ATP6V1C2: variants seen among roughly 807,000 people sequenced by gnomAD.
The protein encoded by ATP6V1C2 is V-type proton ATPase subunit C 2.
ATP6V1C2 carries 45 observed loss-of-function variants against 56.8 expected under a neutral mutation model. The ratio of observed to expected loss-of-function variants is 0.79; its 90% confidence interval spans 0.62 to 1.02. The LOEUF is 1.02. Ranked by LOEUF, ATP6V1C2 falls within the 50% of genes least tolerant of loss-of-function variation. The pLI, the probability that ATP6V1C2 is intolerant of heterozygous loss-of-function variation, is 0.00. For synonymous variants in ATP6V1C2, 220 were observed against 201.3 expected, an observed-to-expected ratio of 1.09 and a Z score of -0.79; for missense variants, 463 against 519.7, an observed-to-expected ratio of 0.89 and a Z score of 1.06.
intron 2 of ATP6V1C2, among the ~76,000 whole-genome samples, chr2:10,724,316 T>G (rs117388291): frequency 8.6e-4 from 131 of 152,256 alleles, no homozygotes; most frequent in East Asian, 7.0e-3. Flanking sequence ...TGCTAACGTT[T>G]GTTGAGCAAA....
At position 10,748,581 on chromosome 2, in the gene ATP6V1C2, A is replaced by G. The variant is rs56778891; in HGVS notation, c.198-5400A>G. On this transcript the variant is annotated intron_variant, in intron 3 of 13. Transcript: ENST00000272238. Reference sequence around the variant, plus strand: ...ATATATTGTTTACAGTGCTTTTTTAATTAAAAATATGGTTTGTCCATCTTT... The same window carrying G: ...ATATATTGTTTACAGTGCTTTTTTAGTTAAAAATATGGTTTGTCCATCTTT... 4.7e-3 allele frequency among the ~76,000 whole-genome samples: 710 copies of G among 152,252 alleles called. 8 individuals are homozygous for G. Among genetic ancestry groups the G allele is most frequent in the African/African-American group, 0.016 (672 of 41,546 alleles).
At chr2:10,778,930 C>T (rs1259656401) in intron 12 of ATP6V1C2, among the ~76,000 whole-genome samples, 1 of 152,186 alleles carries the variant, frequency 6.6e-6, no homozygotes, top group Non-Finnish European at 1.5e-5. Flanking sequence ...TACCTGCATG[C>T]CCTTGTGGAC....
chr2:10,766,421 C>A lies in ATP6V1C2; in HGVS notation c.378+1996C>A, dbSNP rs1038713435. Among the ~76,000 whole-genome samples, 16 of 152,308 alleles carry A rather than the reference C, an allele frequency of 1.1e-4. 1 individual carries two copies. In the South Asian group the frequency reaches 2.3e-3, roughly 22 times the overall value. On this transcript the variant is annotated intron_variant, in intron 5 of 13. Coordinates refer to ENST00000272238, the MANE Select transcript of ATP6V1C2 (RefSeq NM_001039362.2). ...AGAGGTCAAGGAGCTTATGTCAGGT[C>A]ACACAGCCAGTAAAAGTCAGAACTG...
In ATP6V1C2 at chr2:10,774,825, G is replaced by A. The variant is rs1664853622; in HGVS notation, c.676G>A (p.Val226Met). 6.2e-7 allele frequency: 1 copy of A among 1,614,086 alleles called. No individual in the cohort carries two copies. The highest frequency in any genetic ancestry group is 8.5e-7 in the Non-Finnish European group (1 of 1,180,042). The part of the protein sequence containing the change: ...TEDKEGGLFT[V>M]TLFRKVIEDF... ...GGACAAGGAAGGGGGCCTTTTCACT[G>A]TGACTCTGTTTCGAAAAGTGATTGA... Residue 226 changes from valine to methionine, a missense_variant, in exon 9 of 14, where the codon GTG (valine) becomes ATG (methionine). Val to Met is a conservative substitution (Grantham distance 21, BLOSUM62 1). Transcript: ENST00000272238.
Position 10,784,174 on chromosome 2 carries a change from G to T in ATP6V1C2, c.*911G>T. 1.0e-6 allele frequency: 1 copy of T among 979,900 alleles called. No homozygotes were observed. Among genetic ancestry groups the T allele is most frequent in the Non-Finnish European group, 1.6e-6 (1 of 639,646 alleles). The allele number at this position is 979,900 out of a possible 1,614,324, so 60.7% of individuals were successfully genotyped here. A position where few individuals can be genotyped will look rare whatever the true frequency, so the allele number is the denominator to read the frequency against. ...TAAAAGGCCACTGGTAGAGTCATCT[G>T]AGTGTAGAGAATGTCCCTTCACTGC... On this transcript the variant is annotated 3_prime_UTR_variant, in exon 14 of 14. Coordinates refer to ENST00000272238, the MANE Select transcript of ATP6V1C2 (RefSeq NM_001039362.2).
chr2:10,760,052 G>GA (rs1262859191), intron 4 of ATP6V1C2, among the ~76,000 whole-genome samples: 1 of 97,160 alleles, frequency 1.0e-5, no homozygotes, highest in South Asian at 3.3e-4. Context: ...TTTGCTTTTT[G>GA]AAAAAAAATA....
intron 1 of ATP6V1C2, among the ~76,000 whole-genome samples, chr2:10,722,078 C>A (rs1015032799): frequency 2.6e-5 from 4 of 152,148 alleles, no homozygotes; most frequent in African/African-American, 9.7e-5. Flanking sequence ...CCCCAGCCGT[C>A]CGGAGACGCC....
At chr2:10,725,440 G>GAAT (rs933326918) in intron 2 of ATP6V1C2, among the ~76,000 whole-genome samples, 65 of 148,174 alleles carry the variant, frequency 4.4e-4, no homozygotes, top group Admixed American at 3.4e-3. Flanking sequence ...GGACCTAGGT[G>GAAT]AATGATGAAG....
At chr2:10,768,861 C>A in intron 6 of ATP6V1C2, 51 bp downstream of exon 6, 1 of 1,507,642 alleles carries the variant, frequency 6.6e-7, no homozygotes. Flanking sequence ...CTGGCGGGGG[C>A]TTAGCGCTTG....
chr2:10,745,419 A>G lies in ATP6V1C2; in HGVS notation c.198-8562A>G, dbSNP rs371013251. 3.6e-4 allele frequency among the ~76,000 whole-genome samples: 54 copies of G among 150,886 alleles called. 1 individual carries two copies. In the South Asian group the frequency reaches 4.4e-3, roughly 12 times the overall value. ...GCCCAGGCTGGAGTGCAGTGGCACC[A>G]TCTCAACTCACTGCAACCTCCACCT... On this transcript the variant is annotated intron_variant, in intron 3 of 13. Transcript: ENST00000272238.
At chr2:10,747,701 CA>C (rs34222737) in intron 3 of ATP6V1C2, among the ~76,000 whole-genome samples, 40,196 of 142,686 alleles carry the variant, frequency 0.28, 5,626 homozygotes, top group East Asian at 0.39. Context: ...CTCTTTGAAA[CA>C]AAAAAAAAAA....
Position 10,780,399 on chromosome 2 carries a change from A to G in ATP6V1C2, c.1061+1730A>G, listed in dbSNP as rs1665273241. Among the ~76,000 whole-genome samples, 1 of 151,984 alleles carries G rather than the reference A, an allele frequency of 6.6e-6. No individual in the cohort carries two copies. Among genetic ancestry groups the G allele is most frequent in the African/African-American group, 2.4e-5 (1 of 41,352 alleles). On this transcript the variant is annotated intron_variant, in intron 12 of 13. Coordinates refer to ENST00000272238, the MANE Select transcript of ATP6V1C2 (RefSeq NM_001039362.2). The surrounding 1 kb of genome is among the most constrained non-coding windows in gnomAD (Gnocchi z 4.1). ...GTTCTTGGCCTCCAATTCCCCTTCC[A>G]TGTGGCTGTCAGTGTGTGGTCTGCC... is the stretch of plus-strand genomic sequence containing the variant.
chr2:10,777,076 C>G (rs1665039744), intron 10 of ATP6V1C2, among the ~76,000 whole-genome samples: 1 of 152,204 alleles, frequency 6.6e-6, no homozygotes, highest in African/African-American at 2.4e-5. Flanking sequence ...GTGGGATGTC[C>G]CTGTGTTTCC....
chr2:10,748,989 G>A (rs776759832), intron 3 of ATP6V1C2, among the ~76,000 whole-genome samples: 6 of 151,772 alleles, frequency 4.0e-5, no homozygotes, highest in Non-Finnish European at 4.4e-5. Context: ...ACTTAGCTGA[G>A]CATGGTGGCA....
rs111688221 is a variant in ATP6V1C2, at chr2:10,722,365, G to A, written c.-26-459G>A. Among the ~76,000 whole-genome samples, 782 of 152,188 alleles carry A rather than the reference G, an allele frequency of 5.1e-3. 7 individuals carry two copies. The highest frequency in any genetic ancestry group is 0.018 in the African/African-American group (743 of 41,516). On this transcript the variant is annotated intron_variant, in intron 1 of 13. Coordinates refer to ENST00000272238, the MANE Select transcript of ATP6V1C2 (RefSeq NM_001039362.2). ...TTTTTAAAGCTAATACCAATCACAA[G>A]GTTGGCCAGTTTGACCTGCGGTTTG...
At chr2:10,770,125 A>T (rs1219670104) in intron 6 of ATP6V1C2, 2 of 151,794 alleles carry the variant, frequency 1.3e-5, no homozygotes, top group Non-Finnish European at 2.9e-5. Flanking sequence ...TAGGCCAGGC[A>T]TGGTGGCTCA....
chr2:10,724,130 G>A (rs1017815724), intron 2 of ATP6V1C2, among the ~76,000 whole-genome samples: 1 of 152,140 alleles, frequency 6.6e-6, no homozygotes, highest in African/African-American at 2.4e-5. Context: ...GTTTCCACGG[G>A]GAAGACACTA....
intron 11 of ATP6V1C2, 24 bp downstream of exon 11, chr2:10,777,746 G>T: frequency 1.3e-6 from 2 of 1,591,694 alleles, no homozygotes; most frequent in South Asian, 1.1e-5. Context: ...CGGGAACCCC[G>T]GGGTCCCTGG....
intron 5 of ATP6V1C2, among the ~76,000 whole-genome samples, chr2:10,764,976 CA>C (rs60445006): frequency 0.4 from 58,645 of 145,432 alleles, 11,642 homozygotes; most frequent in East Asian, 0.63. Context: ...GTCCCCCCAC[CA>C]AAAAAAAAAA....
Sources: allele counts gnomAD v4.1 joint callset (sites outside exome capture counted in the v4.1 genomes callset), GRCh38; gene constraint gnomAD v4.1.1; non-coding constraint Gnocchi (gnomAD v3.1); transcripts MANE v1.5; gene names NCBI Gene and HGNC (gene_info 2026-07-23, HGNC 2026-07-21).